Variants in VTI1B observed in about 807,000 individuals in gnomAD.
VTI1B encodes vesicle transport through interaction with t-SNAREs homolog 1B.
VTI1B carries 18 observed loss-of-function variants against 28.6 expected under a neutral mutation model. The observed-to-expected ratio is 0.63, with a 90% CI of 0.43 to 0.93. The LOEUF (loss-of-function observed/expected upper bound fraction) is 0.93, where lower values mean the gene tolerates loss of function less well. Among genes scored for constraint, VTI1B ranks in the 40% least tolerant of loss-of-function variants. The pLI is 0.00. For missense variants in VTI1B, 283 were observed against 297.0 expected, an observed-to-expected ratio of 0.95 and a Z score of 0.35; for synonymous variants, 100 against 107.9, an observed-to-expected ratio of 0.93 and a Z score of 0.46.
intron 5 of VTI1B, 156 bp from the exon 6 acceptor site, chr14:67,651,637 TGTCACTTA>T: frequency 2.7e-6 from 2 of 731,292 alleles, no homozygotes; most frequent in Non-Finnish European, 4.3e-6. Flanking sequence ...GTTCTTTAGC[TGTCACTTA>T]GGGATAACAC....
Position 67,648,226 on chromosome 14 carries a change from AAT to A in VTI1B, c.*3157_*3158del. 1 of 1,582,932 alleles carries A rather than the reference AAT, an allele frequency of 6.3e-7. No individual in the cohort carries two copies. The stretch of plus-strand genomic sequence containing the variant: ...CTGCAGCCTGTTAACTACATAGGTA[AAT>A]ATGCTAGAGTCTCTTGCCTGCAAAG... On this transcript the variant is annotated 3_prime_UTR_variant, in exon 6 of 6. Transcript: ENST00000554659.
intron 3 of VTI1B, 97 bp from the exon 4 acceptor site, chr14:67,656,686 G>A: frequency 7.6e-7 from 1 of 1,316,880 alleles, no homozygotes; most frequent in Non-Finnish European, 1.0e-6. Flanking sequence ...AAGGGATATA[G>A]TGAGCAATAA....
rs2037119077 is a variant in VTI1B at position 67,647,754 on chromosome 14, TA to T, written c.*3630del. 3 of 277,588 alleles carry T rather than the reference TA, an allele frequency of 1.1e-5. No homozygotes were observed. In the East Asian group the frequency reaches 2.1e-4, roughly 19 times the overall value. 17.2% of individuals were successfully genotyped at this position (277,588 alleles called of 1,614,324 possible). A position where few individuals can be genotyped will look rare whatever the true frequency, so the allele number is the denominator to read the frequency against. On this transcript the variant is annotated 3_prime_UTR_variant, in exon 6 of 6. Coordinates refer to ENST00000554659, the MANE Select transcript of VTI1B (RefSeq NM_006370.3). Reference sequence around the variant, plus strand: ...AAGAAATCTCTCTATTGACAGTTATTAGTATAAGAGGTTCTAATACCCAGTG... The same window carrying T: ...AAGAAATCTCTCTATTGACAGTTATTGTATAAGAGGTTCTAATACCCAGTG...
At chr14:67,670,329 C>G (rs1236929822) in intron 1 of VTI1B, among the ~76,000 whole-genome samples, 1 of 152,100 alleles carries the variant, frequency 6.6e-6, no homozygotes, top group Non-Finnish European at 1.5e-5. Flanking sequence ...TTCACCTGCC[C>G]CTCTACTACT....
At chr14:67,653,083 G>A (rs187465565) in intron 5 of VTI1B, among the ~76,000 whole-genome samples, 34 of 152,186 alleles carry the variant, frequency 2.2e-4, no homozygotes, top group South Asian at 6.2e-4. Flanking sequence ...GCCACCGCAC[G>A]GGGCTGAGAT....
chr14:67,668,655 CA>C (rs1400491289), intron 1 of VTI1B, among the ~76,000 whole-genome samples: 1 of 116,672 alleles, frequency 8.6e-6, no homozygotes, highest in Non-Finnish European at 2.3e-5. Context: ...ACTTAGGAAA[CA>C]CAGTGAAAAA....
At chr14:67,665,370 C>T (rs796817316) in intron 1 of VTI1B, among the ~76,000 whole-genome samples, 17 of 150,996 alleles carry the variant, frequency 1.1e-4, no homozygotes, top group African/African-American at 3.9e-4. Flanking sequence ...CCCACCTGCT[C>T]AAGCAATTCT....
intron 1 of VTI1B, among the ~76,000 whole-genome samples, chr14:67,672,924 T>C (rs1325554905): frequency 1.3e-5 from 2 of 152,212 alleles, no homozygotes; most frequent in Non-Finnish European, 2.9e-5. Flanking sequence ...ACATGGAACT[T>C]CCTGCTCTTC....
At chr14:67,670,155 C>G (rs1389556433) in intron 1 of VTI1B, among the ~76,000 whole-genome samples, 1 of 152,170 alleles carries the variant, frequency 6.6e-6, no homozygotes, top group African/African-American at 2.4e-5. Context: ...AACACAGTCC[C>G]CTGTACCCAG....
At chr14:67,659,617 T>A in intron 3 of VTI1B, 114 bp downstream of exon 3, 2 of 1,079,880 alleles carry the variant, frequency 1.9e-6, no homozygotes, top group African/African-American at 1.6e-5. Flanking sequence ...GTGAAAAAAA[T>A]GAAACAAGAG....
intron 1 of VTI1B, chr14:67,663,158 G>A (rs776434832): frequency 4.4e-5 from 67 of 1,532,624 alleles, no homozygotes; most frequent in South Asian, 2.9e-4. Context: ...TTGGTTGAGT[G>A]TATCTTTAAT....
At chr14:67,651,584 G>A (rs1414165146) in intron 5 of VTI1B, 103 bp from the exon 6 acceptor site, 11 of 1,322,704 alleles carry the variant, frequency 8.3e-6, no homozygotes, top group African/African-American at 1.5e-5. Flanking sequence ...CTCTGAGGCT[G>A]TATGTTTGAT....
intron 3 of VTI1B, among the ~76,000 whole-genome samples, chr14:67,657,418 CCTGCCCTAATTTCTCAA>C (rs958339575): frequency 1.3e-5 from 2 of 152,162 alleles, no homozygotes; most frequent in African/African-American, 4.8e-5. Flanking sequence ...AGCTTCCCCA[CCTGCCCTAATTTCTCAA>C]CTGCCCTAAT....
chr14:67,662,920 A>AC (rs386381650), intron 1 of VTI1B: 94 of 1,273,192 alleles, frequency 7.4e-5, no homozygotes, highest in Non-Finnish European at 5.1e-5. Context: ...AAAAAAAAAA[A>AC]AGAATGTTTA....
At chr14:67,668,627 G>GC (rs11417717) in intron 1 of VTI1B, among the ~76,000 whole-genome samples, 66,956 of 152,122 alleles carry the variant, frequency 0.44, 17,683 homozygotes, top group Non-Finnish European at 0.61. Context: ...CCTAGTCTGT[G>GC]CTAGGCACTG....
chr14:67,662,629 G>T (rs898443474), intron 1 of VTI1B, 94 bp from the exon 2 acceptor site: 3 of 1,133,466 alleles, frequency 2.6e-6, no homozygotes, highest in Non-Finnish European at 3.8e-6. Flanking sequence ...CCTATGGCAG[G>T]GCCTGGTGGC....
At chr14:67,653,409 G>GA (rs1012233961) in intron 5 of VTI1B, 28 bp downstream of exon 5, 1 of 1,607,364 alleles carries the variant, frequency 6.2e-7, no homozygotes, top group Non-Finnish European at 8.5e-7. Flanking sequence ...TGAGTTAAGA[G>GA]AAATTTCATG....
At position 67,650,981 on chromosome 14, in the gene VTI1B, G is replaced by A; in HGVS notation, c.*404C>T. ...TTCCAGAATTATGAGGCATTGAGGG[G>A]ATAGATGAATACTAAATGGTTGTCT... is the stretch of plus-strand genomic sequence containing the variant. On this transcript the variant is annotated 3_prime_UTR_variant, in exon 6 of 6. Coordinates refer to ENST00000554659, the MANE Select transcript of VTI1B (RefSeq NM_006370.3). 2.7e-6 allele frequency: 4 copies of A among 1,495,108 alleles called. No individual in the cohort carries two copies. In the East Asian group the frequency reaches 6.8e-5, roughly 25 times the overall value. The allele number at this position is 1,495,108 out of a possible 1,614,324, so 92.6% of individuals were successfully genotyped here. A position where few individuals can be genotyped will look rare whatever the true frequency, so the allele number is the denominator to read the frequency against.
chr14:67,658,580 G>C (rs1365071737), intron 3 of VTI1B, among the ~76,000 whole-genome samples: 1 of 152,134 alleles, frequency 6.6e-6, no homozygotes, highest in African/African-American at 2.4e-5. Flanking sequence ...CTGGGTGACA[G>C]AGCGAGACTC....
Sources: allele counts gnomAD v4.1 joint callset (sites outside exome capture counted in the v4.1 genomes callset), GRCh38; gene constraint gnomAD v4.1.1; transcripts MANE v1.5; gene names NCBI Gene and HGNC (gene_info 2026-07-23, HGNC 2026-07-21).